POFUT3: variants seen among roughly 807,000 people sequenced by gnomAD.
POFUT3 encodes protein O-fucosyltransferase 3.
the POFUT3 span, among the ~76,000 whole-genome samples, chr8:33,381,689 G>A: frequency 5.9e-5 from 9 of 152,118 alleles, no homozygotes; most frequent in East Asian, 1.9e-4. Flanking sequence ...TCATCTTAGC[G>A]TGGTAGTTAA....
the POFUT3 span, among the ~76,000 whole-genome samples, chr8:33,366,322 G>A: frequency 3.0e-3 from 449 of 152,150 alleles, 2 homozygotes; most frequent in Non-Finnish European, 4.1e-3. Context: ...GAGTTGATGC[G>A]TGCAGCAAAC....
the POFUT3 span, among the ~76,000 whole-genome samples, chr8:33,314,192 G>A: frequency 2.0e-5 from 3 of 152,164 alleles, no homozygotes; most frequent in African/African-American, 4.8e-5. Flanking sequence ...CTTGCCAGAG[G>A]TGAATCCCAC....
At chr8:33,335,292 T>C in the POFUT3 span, among the ~76,000 whole-genome samples, 1 of 152,298 alleles carries the variant, frequency 6.6e-6, no homozygotes, top group African/African-American at 2.4e-5. Flanking sequence ...ATGGCTATGC[T>C]TATTTTTACC....
At chr8:33,370,608 A>G in the POFUT3 span, among the ~76,000 whole-genome samples, 2 of 152,238 alleles carry the variant, frequency 1.3e-5, no homozygotes, top group African/African-American at 4.8e-5. Context: ...AGAAACGCTT[A>G]GAGAGGATTT....
the POFUT3 span, among the ~76,000 whole-genome samples, chr8:33,363,769 C>A: frequency 3.3e-5 from 5 of 152,084 alleles, no homozygotes; most frequent in Non-Finnish European, 5.9e-5. Flanking sequence ...GAAATTGAGG[C>A]AATAATTAAT....
the POFUT3 span, among the ~76,000 whole-genome samples, chr8:33,410,427 C>T: frequency 6.6e-6 from 1 of 152,156 alleles, no homozygotes; most frequent in African/African-American, 2.4e-5. Flanking sequence ...TGTCGCCGGG[C>T]AGCCCCGAGA....
At chr8:33,390,118 C>T in the POFUT3 span, among the ~76,000 whole-genome samples, 2 of 152,210 alleles carry the variant, frequency 1.3e-5, no homozygotes, top group Admixed American at 1.3e-4. Flanking sequence ...ATCACTTGAA[C>T]CCGGGAGGTG....
the POFUT3 span, among the ~76,000 whole-genome samples, chr8:33,462,158 GA>G: frequency 3.8e-5 from 1 of 26,564 alleles, no homozygotes; most frequent in Non-Finnish European, 9.4e-5. Flanking sequence ...GAAGGGGAGG[GA>G]AGGGGAAGGG....
At chr8:33,361,302 T>C in the POFUT3 span, 1 of 152,130 alleles carries the variant, frequency 6.6e-6, no homozygotes, top group Non-Finnish European at 1.5e-5. Context: ...ATGCCTCCTC[T>C]CCCGGGGAAC....
At chr8:33,372,840 T>C in the POFUT3 span, 1 of 1,587,320 alleles carries the variant, frequency 6.3e-7, no homozygotes, top group Non-Finnish European at 8.6e-7. Context: ...ATTAAAAACA[T>C]ATGATAATGA....
At chr8:33,398,682 A>G in the POFUT3 span, among the ~76,000 whole-genome samples, 19 of 152,294 alleles carry the variant, frequency 1.2e-4, 1 homozygote, top group African/African-American at 4.6e-4. Flanking sequence ...ATTTACCTAT[A>G]TAACAAACCT....
At chr8:33,392,689 C>T in the POFUT3 span, among the ~76,000 whole-genome samples, 1 of 151,512 alleles carries the variant, frequency 6.6e-6, no homozygotes, top group Non-Finnish European at 1.5e-5. Context: ...GAAATTAGAA[C>T]CATGACCAAC....
At chr8:33,444,804 TGA>T in the POFUT3 span, among the ~76,000 whole-genome samples, 1 of 151,944 alleles carries the variant, frequency 6.6e-6, no homozygotes, top group South Asian at 2.1e-4. Context: ...GATGACAGAG[TGA>T]GCCTCCATCC....
At chr8:33,443,272 T>G in the POFUT3 span, among the ~76,000 whole-genome samples, 11 of 152,312 alleles carry the variant, frequency 7.2e-5, no homozygotes, top group African/African-American at 2.6e-4. Flanking sequence ...CTTTGTTAGT[T>G]AAATTTTCAC....
the POFUT3 span, among the ~76,000 whole-genome samples, chr8:33,409,698 G>A: frequency 3.3e-5 from 5 of 152,214 alleles, no homozygotes; most frequent in East Asian, 9.8e-4. Context: ...GAGGTCAAGA[G>A]ACTGAGACCA....
the POFUT3 span, among the ~76,000 whole-genome samples, chr8:33,420,924 A>T: frequency 3.9e-5 from 6 of 151,946 alleles, no homozygotes; most frequent in East Asian, 1.2e-3. Context: ...TTATTTGTCA[A>T]TTTAAAAAGA....
chr8:33,330,397 T>A, the POFUT3 span, among the ~76,000 whole-genome samples: 2 of 152,074 alleles, frequency 1.3e-5, no homozygotes, highest in African/African-American at 4.8e-5. Flanking sequence ...TGAGCCGAGA[T>A]CATGCCACTG....
chr8:33,380,111 CTATA>C, the POFUT3 span, among the ~76,000 whole-genome samples: 1 of 64,942 alleles, frequency 1.5e-5, no homozygotes, highest in Non-Finnish European at 2.5e-5. Context: ...TATATATATA[CTATA>C]TATATACACT....
chr8:33,377,141 A>G, the POFUT3 span, among the ~76,000 whole-genome samples: 1 of 152,086 alleles, frequency 6.6e-6, no homozygotes, highest in African/African-American at 2.4e-5. Context: ...CTGAGGCAGG[A>G]GAATCACTTG....
Sources: allele counts gnomAD v4.1 joint callset (sites outside exome capture counted in the v4.1 genomes callset), GRCh38; gene constraint gnomAD v4.1.1; transcripts MANE v1.5; gene names NCBI Gene and HGNC (gene_info 2026-07-23, HGNC 2026-07-21).